Variants in BCORL1 observed in about 807,000 individuals in gnomAD.
BCORL1 encodes the protein BCL-6 corepressor-like protein 1.
Under a neutral mutation model 87.6 loss-of-function variants are expected in BCORL1, and 7 were observed. The observed-to-expected ratio is 0.08, with a 90% CI of 0.05 to 0.15. The LOEUF is 0.15. Ranked by LOEUF, BCORL1 falls within the 10% of genes least tolerant of loss-of-function variation. The probability of loss-of-function intolerance (pLI) is 1.00; values close to 1 mark genes in which losing one functional copy is unlikely to be tolerated. For missense variants in BCORL1, 1,215 were observed against 1,499.7 expected, an observed-to-expected ratio of 0.81 and a Z score of 3.13; for synonymous variants, 591 against 634.4, an observed-to-expected ratio of 0.93 and a Z score of 1.03.
chrX:130,021,284 T>A, intron 5 of BCORL1, 134 bp downstream of exon 5: 1 of 1,066,002 alleles, frequency 9.4e-7, no homozygotes, highest in Non-Finnish European at 1.2e-6. Flanking sequence ...GGAAAGAAGA[T>A]ATGATTGACC....
intron 11 of BCORL1, among the ~76,000 whole-genome samples, chrX:130,047,469 C>G (rs755407383): frequency 8.9e-6 from 1 of 112,336 alleles, no homozygotes; most frequent in African/African-American, 3.2e-5. Flanking sequence ...GCTTTAGCTT[C>G]TTTGCTCACG....
At chrX:130,039,773 A>G (rs1460654587) in intron 11 of BCORL1, among the ~76,000 whole-genome samples, 1 of 113,014 alleles carries the variant, frequency 8.8e-6, no homozygotes, top group African/African-American at 3.2e-5. Context: ...TGCCTGTGGG[A>G]ACTGTGATGT....
rs775498101 is a variant in BCORL1, at chrX:130,023,480, C to T, written c.3688+503C>T. 2.7e-5 allele frequency among the ~76,000 whole-genome samples: 3 copies of T among 112,168 alleles called. No homozygotes were observed. The South Asian group carries it at 1.1e-3, about 42-fold the overall frequency. On this transcript the variant is annotated intron_variant, in intron 6 of 13. Transcript: ENST00000540052. ...CTCTAGGGACTAAAAAAAGCTAGCC[C>T]TTTCTAGCCACCACTACCTTCTGCT...
chrX:130,032,775 A>G (rs1329416007), intron 8 of BCORL1, among the ~76,000 whole-genome samples: 2 of 100,471 alleles, frequency 2.0e-5, no homozygotes, highest in African/African-American at 3.6e-5. Flanking sequence ...TTATTTATTT[A>G]TTTGTAATGG....
At chrX:130,028,177 A>G (rs1345435633) in intron 7 of BCORL1, among the ~76,000 whole-genome samples, 1 of 111,663 alleles carries the variant, frequency 9.0e-6, no homozygotes, top group Non-Finnish European at 1.9e-5. Context: ...AGCTGAGGCC[A>G]TGAAGGCAGC....
intron 1 of BCORL1, among the ~76,000 whole-genome samples, chrX:129,984,190 C>CGCT (rs1926395712): frequency 9.6e-6 from 1 of 103,731 alleles, no homozygotes; most frequent in Non-Finnish European, 2.0e-5. Flanking sequence ...CCGCCGCCGC[C>CGCT]GCTGCTGCTC....
rs372568461 is a variant in BCORL1, at chrX:130,013,591, C to T, written c.819C>T (p.Asn273=). Residue 273 remains asparagine, a synonymous_variant, in exon 4 of 14, where the codon AAC becomes AAT. Coordinates refer to ENST00000540052, the MANE Select transcript of BCORL1 (RefSeq NM_001379451.1). Reference sequence around the variant, plus strand: ...TGCCCACGCTCATCTCTGACTCGAACCCCCTTTCTGTTTCGGCCTCAGTCT... The same window carrying T: ...TGCCCACGCTCATCTCTGACTCGAATCCCCTTTCTGTTTCGGCCTCAGTCT... ...PSVPTLISDS[N]PLSVSASVLV... is the part of the protein sequence containing the mutation. 9 of 1,209,240 alleles carry T rather than the reference C, an allele frequency of 7.4e-6. No homozygotes were observed. The African/African-American group carries it at 1.2e-4, about 16-fold the overall frequency.
At chrX:130,001,312 C>CT (rs1928030572) in intron 1 of BCORL1, among the ~76,000 whole-genome samples, 1 of 112,204 alleles carries the variant, frequency 8.9e-6, no homozygotes, top group African/African-American at 3.2e-5. Context: ...TGATCTCAAA[C>CT]TCCTGACCTC....
intron 8 of BCORL1, among the ~76,000 whole-genome samples, chrX:130,029,208 A>C (rs944317264): frequency 7.2e-5 from 8 of 111,636 alleles, no homozygotes; most frequent in Admixed American, 3.8e-4. Context: ...GAACTTTCTG[A>C]GTCAATCAAG....
intron 1 of BCORL1, among the ~76,000 whole-genome samples, chrX:130,000,896 T>TTGTG (rs61288678): frequency 0.035 from 3,449 of 98,194 alleles, 89 homozygotes; most frequent in Middle Eastern, 0.066. Flanking sequence ...GGTGGATGCT[T>TTGTG]TGTGTGTGTG....
chrX:129,984,201 C>T (rs983849325), intron 1 of BCORL1, among the ~76,000 whole-genome samples: 7 of 104,668 alleles, frequency 6.7e-5, no homozygotes, highest in Non-Finnish European at 1.2e-4. Flanking sequence ...GCTGCTGCTC[C>T]TGCTGGGGCC....
chrX:130,052,387 C>T (rs1358362358), intron 13 of BCORL1, among the ~76,000 whole-genome samples: 1 of 112,348 alleles, frequency 8.9e-6, no homozygotes, highest in Admixed American at 9.4e-5. Context: ...GCTGGAAAAG[C>T]CAGGACATAT....
Position 130,002,150 on chromosome X carries a change from C to G in BCORL1, c.-44-3038C>G, listed in dbSNP as rs752163246. Among the ~76,000 whole-genome samples the G allele has an allele frequency of 5.5e-5, 6 of 109,666 alleles. 1 individual carries two copies. In the Middle Eastern group the frequency reaches 0.014, roughly 253 times the overall value. Reference sequence around the variant, plus strand: ...GTGCCGTTAAGTAAGCTAGGAAACACGCTGCTTACTGGGCATAGGGGGTGG... The same window carrying G: ...GTGCCGTTAAGTAAGCTAGGAAACAGGCTGCTTACTGGGCATAGGGGGTGG... On this transcript the variant is annotated intron_variant, in intron 1 of 13. Coordinates refer to ENST00000540052, the MANE Select transcript of BCORL1 (RefSeq NM_001379451.1).
At chrX:130,019,401 G>T (rs1929652406) in intron 4 of BCORL1, among the ~76,000 whole-genome samples, 2 of 112,582 alleles carry the variant, frequency 1.8e-5, no homozygotes, top group Non-Finnish European at 3.7e-5. Context: ...TATTCCCCCT[G>T]ACTTAAAATA....
intron 1 of BCORL1, among the ~76,000 whole-genome samples, chrX:129,986,561 G>A (rs745399679): frequency 8.9e-6 from 1 of 112,225 alleles, no homozygotes; most frequent in Non-Finnish European, 1.9e-5. Flanking sequence ...GCTCACTCCT[G>A]TAACCCCAGC....
chrX:129,991,824 A>AT (rs776932581), intron 1 of BCORL1, among the ~76,000 whole-genome samples: 8,341 of 91,100 alleles, frequency 0.092, 1,148 homozygotes, highest in African/African-American at 0.32. Flanking sequence ...TGCCCAGCTA[A>AT]TTTTTTTTTT....
rs146588230 is a variant in BCORL1, at chrX:130,056,208, A to G, written c.*72A>G. Reference sequence around the variant, plus strand: ...TCCCCCACCTCCTTGTCTTTCCCCGACCGAGCACCAGACTGCAGAATGAGG... The same window carrying G: ...TCCCCCACCTCCTTGTCTTTCCCCGGCCGAGCACCAGACTGCAGAATGAGG... On this transcript the variant is annotated 3_prime_UTR_variant, in exon 14 of 14. Transcript: ENST00000540052. 1.8e-3 allele frequency: 1,821 copies of G among 1,024,468 alleles called. 22 individuals are homozygous for G. The African/African-American group carries it at 0.031, about 18-fold the overall frequency. The allele number at this position is 1,024,468 out of a possible 1,213,427, so 84.4% of individuals were successfully genotyped here.
upstream of BCORL1, among the ~76,000 whole-genome samples, chrX:129,980,434 C>A (rs1014241166): frequency 2.2e-4 from 25 of 112,539 alleles, 1 homozygote; most frequent in Non-Finnish European, 4.1e-4. Flanking sequence ...AACGGTGCGG[C>A]CCTGCGGCGG....
chrX:130,011,264 G>A (rs1928939862), intron 2 of BCORL1, among the ~76,000 whole-genome samples: 1 of 109,564 alleles, frequency 9.1e-6, no homozygotes, highest in Non-Finnish European at 1.9e-5. Flanking sequence ...TTGAGACAGG[G>A]TCTCACTCTG....
Sources: gnomAD v4.1 joint callset for allele counts (sites outside exome capture counted in the v4.1 genomes callset) on GRCh38, gnomAD v4.1.1 for gene constraint, MANE v1.5 for transcripts, NCBI Gene and HGNC (gene_info 2026-07-23, HGNC 2026-07-21) for gene names.